Variants in DENND1B observed in about 807,000 individuals in gnomAD.
DENND1B encodes DENN domain-containing protein 1B.
A neutral mutation model predicts 90.1 loss-of-function variants in DENND1B; 59 were observed. The observed-to-expected ratio is 0.65, with a 90% CI of 0.53 to 0.81. The LOEUF (loss-of-function observed/expected upper bound fraction) is 0.81. Ranked by LOEUF, DENND1B falls within the 40% of genes least tolerant of loss-of-function variation. The probability of loss-of-function intolerance (pLI) is 0.00; values close to 1 mark genes in which losing one functional copy is unlikely to be tolerated. For synonymous variants in DENND1B, 337 were observed against 324.6 expected (o/e 1.04, Z -0.41); for missense variants, 862 against 912.6 (o/e 0.94, Z 0.71).
chr1:197,582,020 C>G (rs540493920), intron 15 of DENND1B, among the ~76,000 whole-genome samples: 14 of 152,222 alleles, frequency 9.2e-5, no homozygotes, highest in Admixed American at 2.0e-4. Flanking sequence ...TTGGAGACCT[C>G]TAGGGACAAA....
chr1:197,644,881 T>A (rs577672628), intron 9 of DENND1B, among the ~76,000 whole-genome samples: 1 of 152,270 alleles, frequency 6.6e-6, no homozygotes, highest in African/African-American at 2.4e-5. Flanking sequence ...TTGAAATACT[T>A]TTTTCCTGTT....
intron 2 of DENND1B, among the ~76,000 whole-genome samples, chr1:197,728,560 C>G (rs1661863227): frequency 6.6e-6 from 1 of 152,092 alleles, no homozygotes. Flanking sequence ...CCTTCACACG[C>G]CTTCATCCTC....
At chr1:197,650,094 G>GA (rs966201941) in intron 7 of DENND1B, among the ~76,000 whole-genome samples, 32 of 151,646 alleles carry the variant, frequency 2.1e-4, no homozygotes, top group African/African-American at 7.5e-4. Flanking sequence ...CAACAAACAT[G>GA]AAAAAAAAGC....
In DENND1B at chr1:197,509,746, C is replaced by A. The variant is rs1305801280; in HGVS notation, c.*714G>T. 6.6e-6 allele frequency: 1 copy of A among 150,802 alleles called. No individual in the cohort carries two copies. The highest frequency in any genetic ancestry group is 1.5e-5 in the Non-Finnish European group (1 of 67,632). The allele number at this position is 150,802 out of a possible 1,614,324, so 9.3% of individuals were successfully genotyped here. On this transcript the variant is annotated 3_prime_UTR_variant, in exon 23 of 23. Transcript: ENST00000620048. ...CTCGTTAGAGTGTCTCATTTGTAAA[C>A]AGAAGTCATTAACTTCACATTGTAA...
At chr1:197,534,362 A>G (rs1465576058) in intron 20 of DENND1B, among the ~76,000 whole-genome samples, 1 of 152,220 alleles carries the variant, frequency 6.6e-6, no homozygotes, top group African/African-American at 2.4e-5. Flanking sequence ...AGCACAGAAA[A>G]GACTAAATGA....
At chr1:197,694,023 C>G (rs1658180681) in intron 3 of DENND1B, among the ~76,000 whole-genome samples, 2 of 151,360 alleles carry the variant, frequency 1.3e-5, no homozygotes, top group Non-Finnish European at 3.0e-5. Context: ...TACTTCTTAT[C>G]CTAAAGTGTA....
In DENND1B at chr1:197,546,007, G is replaced by C. The variant is rs1278677026; in HGVS notation, c.1282-17C>G. 1 of 1,582,306 alleles carries C rather than the reference G, an allele frequency of 6.3e-7. No homozygotes were observed. The highest frequency in any genetic ancestry group is 8.5e-7 in the Non-Finnish European group (1 of 1,170,258). On this transcript the variant is annotated splice_polypyrimidine_tract_variant and intron_variant, in intron 17 of 22. Coordinates refer to ENST00000620048, the MANE Select transcript of DENND1B (RefSeq NM_001195215.2). ...ACCTCCTTTCTGCAAAAGAAAAACA[G>C]AAACATATTTCCAAAAACTTTTAGC... is the stretch of plus-strand genomic sequence containing the variant.
At chr1:197,728,559 G>A (rs569136767) in intron 2 of DENND1B, among the ~76,000 whole-genome samples, 67 of 152,108 alleles carry the variant, frequency 4.4e-4, no homozygotes, top group African/African-American at 1.5e-3. Flanking sequence ...GCCTTCACAC[G>A]CCTTCATCCT....
At chr1:197,595,118 G>A in intron 14 of DENND1B, 90 bp downstream of exon 14, 2 of 1,420,930 alleles carry the variant, frequency 1.4e-6, no homozygotes, top group Non-Finnish European at 1.9e-6. Flanking sequence ...TTTTGAAGGT[G>A]TAATATTAAA....
intron 10 of DENND1B, among the ~76,000 whole-genome samples, chr1:197,635,225 G>A (rs1679679949): frequency 6.6e-6 from 1 of 152,144 alleles, no homozygotes; most frequent in African/African-American, 2.4e-5. Flanking sequence ...ACACTATAAT[G>A]TAATTAATAA....
chr1:197,742,945 T>C (rs1480540435), intron 2 of DENND1B, among the ~76,000 whole-genome samples: 1 of 152,090 alleles, frequency 6.6e-6, no homozygotes, highest in Non-Finnish European at 1.5e-5. Flanking sequence ...GATAAAACCA[T>C]GGACATGTGA....
intron 2 of DENND1B, chr1:197,757,449 C>T (rs1654452577): frequency 6.6e-6 from 1 of 152,188 alleles, no homozygotes; most frequent in South Asian, 2.1e-4. Context: ...TAGCAGACCC[C>T]AGGCCATTTA....
Position 197,648,981 on chromosome 1 carries a change from T to C in DENND1B, c.448-1867A>G, listed in dbSNP as rs191289719. 2.1e-3 allele frequency among the ~76,000 whole-genome samples: 316 copies of C among 152,300 alleles called. 1 individual carries two copies. The highest frequency in any genetic ancestry group is 7.4e-3 in the African/African-American group (308 of 41,558). On this transcript the variant is annotated intron_variant, in intron 7 of 22. Coordinates refer to ENST00000620048, the MANE Select transcript of DENND1B (RefSeq NM_001195215.2). ...CTATTAAACCTTTCCACTTTGACAG[T>C]GTGCAACAAAAGAAGATGCAAACAT...
chr1:197,747,553 CA>C (rs994579036), intron 2 of DENND1B: 5 of 192,510 alleles, frequency 2.6e-5, no homozygotes, highest in Non-Finnish European at 4.2e-5. Context: ...CACAGAAACA[CA>C]AAGTGAGCAC....
At chr1:197,690,489 T>C (rs149838812) in intron 3 of DENND1B, 1,766 of 168,102 alleles carry the variant, frequency 0.011, 15 homozygotes, top group Non-Finnish European at 0.015. Flanking sequence ...TGTTGAGAGC[T>C]TCTCTGACCA....
At chr1:197,650,663 T>A (rs1011299587) in intron 7 of DENND1B, among the ~76,000 whole-genome samples, 8 of 152,142 alleles carry the variant, frequency 5.3e-5, no homozygotes, top group Non-Finnish European at 1.0e-4. Flanking sequence ...AGTATATATA[T>A]ATGATGGAAT....
intron 10 of DENND1B, among the ~76,000 whole-genome samples, chr1:197,642,463 G>A (rs1408577069): frequency 6.6e-6 from 1 of 151,856 alleles, no homozygotes; most frequent in African/African-American, 2.4e-5. Flanking sequence ...ACTCTGGAGA[G>A]TTAAAAAGAA....
intron 3 of DENND1B, among the ~76,000 whole-genome samples, chr1:197,714,030 GC>G (rs1660372275): frequency 2.8e-5 from 1 of 36,304 alleles, no homozygotes; most frequent in African/African-American, 9.5e-5. Flanking sequence ...CACATTGGTT[GC>G]CCAGGCACGA....
intron 4 of DENND1B, among the ~76,000 whole-genome samples, chr1:197,673,264 T>C (rs373014452): frequency 1.3e-5 from 2 of 151,976 alleles, no homozygotes; most frequent in East Asian, 3.8e-4. Flanking sequence ...ATATGAAACG[T>C]GTAACTTTTT....
Sources: allele counts gnomAD v4.1 joint callset (sites outside exome capture counted in the v4.1 genomes callset), GRCh38; gene constraint gnomAD v4.1.1; transcripts MANE v1.5; gene names NCBI Gene and HGNC (gene_info 2026-07-23, HGNC 2026-07-21).